Variants in BCAS1 observed in about 807,000 individuals in gnomAD.
The protein encoded by BCAS1 is breast carcinoma-amplified sequence 1.
In BCAS1, 46 loss-of-function variants were observed where a neutral mutation model predicts 65.4. The ratio of observed to expected loss-of-function variants is 0.70; its 90% CI spans 0.55 to 0.90. The LOEUF (loss-of-function observed/expected upper bound fraction) is 0.90, where lower values mean the gene tolerates loss of function less well. Ranked by LOEUF, BCAS1 falls within the 40% of genes least tolerant of loss-of-function variation. The probability of loss-of-function intolerance (pLI) is 0.00; values close to 1 mark genes in which losing one functional copy is unlikely to be tolerated. For synonymous variants in BCAS1, 298 were observed against 293.5 expected, an observed-to-expected ratio of 1.02 and a Z score of -0.16; for missense variants, 793 against 771.2, an observed-to-expected ratio of 1.03 and a Z score of -0.33.
intron 2 of BCAS1, 52 bp downstream of exon 2, chr20:54,058,593 CTT>C (rs3043223): frequency 0.014 from 16,958 of 1,203,798 alleles, no homozygotes; most frequent in Middle Eastern, 0.021. Context: ...ACAGGAAGTT[CTT>C]TTTTTTTTTT....
chr20:53,979,903 C>G (rs574637125), intron 8 of BCAS1, among the ~76,000 whole-genome samples: 1 of 152,126 alleles, frequency 6.6e-6, no homozygotes, highest in Non-Finnish European at 1.5e-5. Context: ...ATCTACTAGA[C>G]CTATTTAGAA....
Position 54,021,186 on chromosome 20 carries a change from C to T in BCAS1, c.723+7206G>A, listed in dbSNP as rs140767530. The stretch of plus-strand genomic sequence containing the variant: ...TTGACACAGACACGTGACTCAATTT[C>T]ACCAAAGGGCTCTGAGGATAAATTT... On this transcript the variant is annotated intron_variant, in intron 4 of 12. Transcript: ENST00000688948. Among the ~76,000 whole-genome samples the T allele has an allele frequency of 1.4e-4, 21 of 152,230 alleles. 1 individual carries two copies. The East Asian group carries it at 4.1e-3, about 29-fold the overall frequency.
At position 54,028,827 on chromosome 20, in the gene BCAS1, G is replaced by C; in HGVS notation, c.288C>G (p.Phe96Leu). The C allele has an allele frequency of 6.2e-7, 1 of 1,614,078 alleles. No homozygotes were observed. Among genetic ancestry groups the C allele is most frequent in the Non-Finnish European group, 8.5e-7 (1 of 1,180,020 alleles). ...PEAPAAKSRF[F>L]LMLSRPVPGR... ...CTGGTACAGGCCGAGAGAGCATCAA[G>C]AAAAAACGAGATTTAGCAGCTGGTG... Residue 96 changes from phenylalanine (F) to leucine (L), a missense_variant, in exon 4 of 13, where the codon TTC becomes TTG. Coordinates refer to ENST00000688948, the MANE Select transcript of BCAS1 (RefSeq NM_001366298.2).
chr20:53,946,676 A>G (rs1344011785), intron 12 of BCAS1, among the ~76,000 whole-genome samples: 7 of 151,044 alleles, frequency 4.6e-5, no homozygotes, highest in Non-Finnish European at 7.4e-5. Context: ...TATATAGTAT[A>G]GTCAAGTATG....
intron 3 of BCAS1, among the ~76,000 whole-genome samples, chr20:54,049,841 T>G (rs2092179386): frequency 6.6e-6 from 1 of 152,232 alleles, no homozygotes; most frequent in African/African-American, 2.4e-5. Flanking sequence ...CAGAATAAAC[T>G]TCCTTGCCAA....
chr20:53,953,424 C>T lies in BCAS1; in HGVS notation c.1815+8G>A, dbSNP rs1568803336. On this transcript the variant is annotated splice_region_variant and intron_variant, in intron 12 of 12. Coordinates refer to ENST00000688948, the MANE Select transcript of BCAS1 (RefSeq NM_001366298.2). ...CCCAGAAAGAAGAGGCAAAAAAAAT[C>T]CACCTACCAGGCCTTTAAAGAAGCC... 4 of 1,612,310 alleles carry T rather than the reference C, an allele frequency of 2.5e-6. No individual in the cohort carries two copies. Among genetic ancestry groups the T allele is most frequent in the Non-Finnish European group, 3.4e-6 (4 of 1,179,244 alleles).
rs762109392 is a variant in BCAS1 at position 53,953,713 on chromosome 20, A to G, written c.1552-18T>C. ...TCTGATGTCTACAGCAATTTCAAAC[A>G]AAGTACATTTTTAGTGGCTGCAGGA... is the stretch of plus-strand genomic sequence containing the variant. On this transcript the variant is annotated intron_variant, in intron 11 of 12. Transcript: ENST00000688948. 6.2e-7 allele frequency: 1 copy of G among 1,602,126 alleles called. No individual in the cohort carries two copies. The highest frequency in any genetic ancestry group is 1.7e-5 in the Admixed American group (1 of 58,702).
At chr20:54,002,220 C>A (rs1389881340) in intron 4 of BCAS1, among the ~76,000 whole-genome samples, 2 of 152,136 alleles carry the variant, frequency 1.3e-5, no homozygotes, top group Non-Finnish European at 2.9e-5. Context: ...AGGGAGCCTG[C>A]TGGGCTCTGC....
At chr20:54,018,837 A>G (rs1159995742) in intron 4 of BCAS1, among the ~76,000 whole-genome samples, 1 of 152,208 alleles carries the variant, frequency 6.6e-6, no homozygotes, top group African/African-American at 2.4e-5. Flanking sequence ...GACGAAGGAC[A>G]ACCTACATGG....
At position 53,992,596 on chromosome 20, in the gene BCAS1, G is replaced by A. The variant is rs368997139; in HGVS notation, c.978C>T (p.Ser326=). 1.7e-4 allele frequency: 231 copies of A among 1,365,632 alleles called. No individual in the cohort carries two copies. The highest frequency in any genetic ancestry group is 2.1e-4 in the Non-Finnish European group (215 of 1,021,692). 84.6% of individuals were successfully genotyped at this position (1,365,632 alleles called of 1,614,324 possible). A position where few individuals can be genotyped will look rare whatever the true frequency, so the allele number is the denominator to read the frequency against. The change falls in exon 7 of 13, where the codon TCC becomes TCT. Residue 326 remains serine (S), a synonymous_variant. Coordinates refer to ENST00000688948, the MANE Select transcript of BCAS1 (RefSeq NM_001366298.2). The part of the protein sequence containing the change: ...VCDGQAGQKT[S]EIQARGTKKK... The stretch of plus-strand genomic sequence containing the variant: ...TCTTGGTGCCTCTAGCCTGGATCTC[G>A]GATGTCTTCTGACCAGCTTGTCCAT...
rs187632199 is a variant in BCAS1, at chr20:53,975,264, T to C, written c.1317+125A>G. 71 of 754,272 alleles carry C rather than the reference T, an allele frequency of 9.4e-5. 1 individual carries two copies. The highest frequency in any genetic ancestry group is 1.3e-4 in the Non-Finnish European group (58 of 444,650). 46.7% of individuals were successfully genotyped at this position (754,272 alleles called of 1,614,324 possible). A position where few individuals can be genotyped will look rare whatever the true frequency, so the allele number is the denominator to read the frequency against. On this transcript the variant is annotated intron_variant, in intron 9 of 12. Coordinates refer to ENST00000688948, the MANE Select transcript of BCAS1 (RefSeq NM_001366298.2). ...CCTAATCACATACGGGATAAGAGAGTCTACAACAAACGAATCACACTGGCA... is the reference window on the plus strand; with the variant it reads ...CCTAATCACATACGGGATAAGAGAGCCTACAACAAACGAATCACACTGGCA...
intron 4 of BCAS1, among the ~76,000 whole-genome samples, chr20:54,005,934 G>T (rs947488387): frequency 2.0e-5 from 3 of 152,114 alleles, no homozygotes; most frequent in Admixed American, 2.0e-4. Context: ...GAGGTATGGG[G>T]GTTATGAAAA....
intron 4 of BCAS1, among the ~76,000 whole-genome samples, chr20:54,008,849 A>C (rs2091260758): frequency 6.6e-6 from 1 of 151,120 alleles, no homozygotes; most frequent in Non-Finnish European, 1.5e-5. Context: ...TCTGTCACCC[A>C]GGCTGGAGTG....
chr20:54,005,026 T>C (rs983111697), intron 4 of BCAS1, among the ~76,000 whole-genome samples: 1 of 152,228 alleles, frequency 6.6e-6, no homozygotes, highest in Non-Finnish European at 1.5e-5. Context: ...CTATTATTAT[T>C]GTGTTTAATT....
chr20:53,956,855 T>C (rs931931208), intron 11 of BCAS1, among the ~76,000 whole-genome samples: 9 of 152,176 alleles, frequency 5.9e-5, no homozygotes, highest in African/African-American at 2.2e-4. Flanking sequence ...ACACATGTAG[T>C]TATAAATATG....
At chr20:53,955,890 TACC>T (rs749448732) in intron 11 of BCAS1, among the ~76,000 whole-genome samples, 68 of 152,150 alleles carry the variant, frequency 4.5e-4, no homozygotes, top group Admixed American at 2.1e-3. Flanking sequence ...AGACAAAATA[TACC>T]ATCATATTTA....
intron 9 of BCAS1, 79 bp downstream of exon 9, chr20:53,975,310 C>T (rs2090300412): frequency 1.3e-5 from 17 of 1,313,836 alleles, no homozygotes; most frequent in Non-Finnish European, 1.8e-5. Context: ...ACACAGGACC[C>T]CAGAGCTGAA....
chr20:54,065,875 A>G (rs563606366), intron 1 of BCAS1, among the ~76,000 whole-genome samples: 5 of 152,268 alleles, frequency 3.3e-5, no homozygotes, highest in Admixed American at 3.3e-4. Flanking sequence ...CATGTGTTGT[A>G]TAACTGGGTG....
chr20:54,057,923 T>G lies in BCAS1; in HGVS notation c.142+162A>C, dbSNP rs1601025040. ...TGTGAGACAATACATTTCTGTTGCT[T>G]AAGCCACCAGGGCATGGTAGCCCAA... On this transcript the variant is annotated intron_variant, in intron 3 of 12. Transcript: ENST00000688948. Among the ~76,000 whole-genome samples the G allele has an allele frequency of 2.0e-5, 3 of 152,214 alleles. No individual in the cohort carries two copies. The South Asian group carries it at 6.2e-4, about 31-fold the overall frequency.
Sources: allele counts gnomAD v4.1 joint callset (sites outside exome capture counted in the v4.1 genomes callset), GRCh38; gene constraint gnomAD v4.1.1; transcripts MANE v1.5; gene names NCBI Gene and HGNC (gene_info 2026-07-23, HGNC 2026-07-21).